NPHS1: variants seen among roughly 807,000 people sequenced by gnomAD.
NPHS1 encodes nephrin.
NPHS1 carries 107 observed loss-of-function variants against 139.7 expected under a neutral mutation model. The ratio of observed to expected loss-of-function variants is 0.77; its 90% CI spans 0.66 to 0.90. NPHS1 has a LOEUF of 0.90. Among genes scored for constraint, NPHS1 ranks in the 40% least tolerant of loss-of-function variants. NPHS1 has a pLI of 0.00. For missense variants in NPHS1, 1,580 were observed against 1,654.2 expected (o/e 0.96, Z 0.78); for synonymous variants, 707 against 706.6 (o/e 1.00, Z -0.01).
At chr19:35,848,893 T>A (rs1407185640) in intron 8 of NPHS1, 83 bp downstream of exon 8, 1 of 1,610,912 alleles carries the variant, frequency 6.2e-7, no homozygotes, top group Non-Finnish European at 8.5e-7. Flanking sequence ...ATCTTTGGCA[T>A]CCAGTAGGCA....
rs1329337980 is a variant in NPHS1 at position 35,848,286 on chromosome 19, T to G, written c.1282A>C (p.Thr428Pro). 3 of 1,614,000 alleles carry G rather than the reference T, an allele frequency of 1.9e-6. No homozygotes were observed. Among genetic ancestry groups the G allele is most frequent in the Non-Finnish European group, 2.5e-6 (3 of 1,179,990 alleles). The change falls in exon 10 of 29, where the codon ACC (threonine) becomes CCC (proline). Residue 428 changes from threonine (T) to proline (P), a missense_variant. Transcript: ENST00000378910. ...EAFSEAFTKETFKKSLILNVK... is the reference protein window; with the variant it reads ...EAFSEAFTKEPFKKSLILNVK... Reference sequence around the variant, plus strand: ...TTCAGGATGAGCGACTTCTTGAAGGTCTCCTTGGTGAAGGCTTCACTGAAG... The same window carrying G: ...TTCAGGATGAGCGACTTCTTGAAGGGCTCCTTGGTGAAGGCTTCACTGAAG...
chr19:35,844,399 G>T lies in NPHS1; in HGVS notation c.1991C>A (p.Ala664Glu). 1 of 1,609,938 alleles carries T rather than the reference G, an allele frequency of 6.2e-7. No individual in the cohort carries two copies. Among genetic ancestry groups the T allele is most frequent in the Non-Finnish European group, 8.5e-7 (1 of 1,178,508 alleles). ...LVVTAVEQGE[A>E]LLPVSVSANP... ...AGCGGACACGGACACGGGCAGCAACGCCTCGCCCTGCTCCACCGCGGTCAC... is the reference window on the plus strand; with the variant it reads ...AGCGGACACGGACACGGGCAGCAACTCCTCGCCCTGCTCCACCGCGGTCAC... Residue 664 changes from alanine (A) to glutamate (E), a missense_variant, in exon 15 of 29, where the codon GCG (alanine) becomes GAG (glutamate). Ala to Glu is a moderately radical substitution (Grantham distance 107). Transcript: ENST00000378910.
intron 23 of NPHS1, among the ~76,000 whole-genome samples, chr19:35,833,090 C>T (rs535792673): frequency 5.3e-5 from 8 of 150,308 alleles, no homozygotes; most frequent in East Asian, 2.0e-4. Flanking sequence ...GACGGAGTTT[C>T]GCCATGTTGG....
In NPHS1 at chr19:35,843,516, C is replaced by T. The variant is rs770961349; in HGVS notation, c.2290G>A (p.Asp764Asn). The T allele has an allele frequency of 8.1e-6, 13 of 1,614,094 alleles. No homozygotes were observed. Among genetic ancestry groups the T allele is most frequent in the Non-Finnish European group, 1.0e-5 (12 of 1,179,990 alleles). Residue 764 changes from aspartate (D) to asparagine (N), a missense_variant, in exon 17 of 29, where the codon GAT becomes AAT. Transcript: ENST00000378910. ...ATGCCCGGGAGGATGGGATTGGCAT[C>T]GACAGTGCAGACTATGTCCACAGAA... ...GGSVDIVCTV[D>N]ANPILPGMFN...
chr19:35,841,903 CA>C, intron 19 of NPHS1, 37 bp from the exon 20 acceptor site: 1 of 1,577,776 alleles, frequency 6.3e-7, no homozygotes, highest in African/African-American at 1.3e-5. Context: ...CCCTTCCATT[CA>C]CCCAACCACT....
At chr19:35,840,901 G>A (rs1599840919) in intron 20 of NPHS1, among the ~76,000 whole-genome samples, 1 of 139,244 alleles carries the variant, frequency 7.2e-6, no homozygotes, top group South Asian at 2.3e-4. Context: ...ATATTGGTCA[G>A]GCTGACCTTG....
At chr19:35,837,813 G>C (rs1463811643) in intron 22 of NPHS1, among the ~76,000 whole-genome samples, 1 of 151,822 alleles carries the variant, frequency 6.6e-6, no homozygotes, top group African/African-American at 2.4e-5. Context: ...TGTTGGTCAG[G>C]CTGGTCTCAA....
intron 23 of NPHS1, among the ~76,000 whole-genome samples, chr19:35,832,886 CAAAAAA>C (rs748346116): frequency 4.4e-5 from 2 of 45,420 alleles, no homozygotes; most frequent in Non-Finnish European, 8.4e-5. Flanking sequence ...GACCCTGTCT[CAAAAAA>C]AAAAAAAAAA....
At position 35,845,992 on chromosome 19, in the gene NPHS1, C is replaced by G. The variant is rs1364227990; in HGVS notation, c.1627+16G>C. On this transcript the variant is annotated intron_variant, in intron 12 of 28. Transcript: ENST00000378910. The surrounding 1 kb of genome is among the most constrained non-coding windows in gnomAD (Gnocchi z 5.5). Reference sequence around the variant, plus strand: ...CTCCCGCCCCGCCCCCGGGCCTCAGCAGTGCGAGCCCTCACACTGCACCGC... The same window carrying G: ...CTCCCGCCCCGCCCCCGGGCCTCAGGAGTGCGAGCCCTCACACTGCACCGC... 2 of 1,562,462 alleles carry G rather than the reference C, an allele frequency of 1.3e-6. No homozygotes were observed. The highest frequency in any genetic ancestry group is 1.4e-5 in the African/African-American group (1 of 73,702).
rs751283178 is a variant in NPHS1, at chr19:35,831,383, A to C, written c.3312-12T>G. On this transcript the variant is annotated splice_polypyrimidine_tract_variant and intron_variant, in intron 25 of 28. Transcript: ENST00000378910. ...GGTCCTCTTCCGACCTTCCAGGATG[A>C]AGGTGTGGGGGGAAGTTGAGTGCTG... 6.2e-7 allele frequency: 1 copy of C among 1,613,996 alleles called. No individual in the cohort carries two copies. The highest frequency in any genetic ancestry group is 8.5e-7 in the Non-Finnish European group (1 of 1,179,946).
chr19:35,840,105 AGCAATTCTCCT>A (rs1973032780), intron 20 of NPHS1, among the ~76,000 whole-genome samples: 1 of 149,672 alleles, frequency 6.7e-6, no homozygotes, highest in African/African-American at 2.5e-5. Context: ...CCTGGGTTCA[AGCAATTCTCCT>A]GCCTCAGCCT....
intron 22 of NPHS1, among the ~76,000 whole-genome samples, chr19:35,837,080 C>T (rs1034738777): frequency 6.8e-5 from 9 of 132,434 alleles, no homozygotes; most frequent in African/African-American, 1.9e-4. Flanking sequence ...GAAAAATAAA[C>T]TGAGCCACAA....
Position 35,843,532 on chromosome 19 carries a change from G to A in NPHS1, c.2274C>T (p.Asp758=), listed in dbSNP as rs762168055. Residue 758 remains aspartate, a synonymous_variant, in exon 17 of 29, where the codon GAC becomes GAT. Transcript: ENST00000378910. ...GATTGGCATCGACAGTGCAGACTAT[G>A]TCCACAGAACCCCCGACGTTCACCT... The part of the protein sequence containing the change: ...PTEVNVGGSV[D]IVCTVDANPI... 1.2e-6 allele frequency: 2 copies of A among 1,614,022 alleles called. No homozygotes were observed. Among genetic ancestry groups the A allele is most frequent in the African/African-American group, 2.7e-5 (2 of 74,930 alleles).
chr19:35,836,306 G>A (rs1972961032), intron 22 of NPHS1, among the ~76,000 whole-genome samples: 1 of 149,638 alleles, frequency 6.7e-6, no homozygotes, highest in Non-Finnish European at 1.5e-5. Context: ...CGCTCAGGCT[G>A]GAGTGCAGTG....
chr19:35,840,132 G>C (rs549146419), intron 20 of NPHS1, among the ~76,000 whole-genome samples: 2 of 151,270 alleles, frequency 1.3e-5, no homozygotes. Context: ...AGCCTCCCGA[G>C]TAGCTGGATT....
In NPHS1 at chr19:35,846,064, G is replaced by T; in HGVS notation, c.1571C>A (p.Ala524Asp). The stretch of plus-strand genomic sequence containing the variant: ...CTGTCCAGCCTTGCACGTGAACTTG[G>T]CCTGGTTGTCCGACGGCCCTGTGAC... ...VLVTGPSDNQ[A>D]KFTCKAGQLS... The change falls in exon 12 of 29, where the codon GCC becomes GAC. Residue 524 changes from alanine to aspartate, a missense_variant. By Grantham distance (126) the Ala-to-Asp change is moderately radical (BLOSUM62 -2). Coordinates refer to ENST00000378910, the MANE Select transcript of NPHS1 (RefSeq NM_004646.4). 6.3e-7 allele frequency: 1 copy of T among 1,596,122 alleles called. No homozygotes were observed. Among genetic ancestry groups the T allele is most frequent in the Non-Finnish European group, 8.5e-7 (1 of 1,171,636 alleles).
rs371850800 is a variant in NPHS1 at position 35,839,294 on chromosome 19, C to T, written c.3052G>A (p.Ala1018Thr). The change falls in exon 22 of 29, where the codon GCC becomes ACC. Residue 1018 changes from alanine (A) to threonine (T), a missense_variant. Ala to Thr is a moderately conservative substitution (Grantham distance 58). Transcript: ENST00000378910. ...TCAGCCAGTCCACTGTCCCCCAAGG[C>T]ATTACTGGCCAGCAGCCAGACCCTG... ...RYRVWLLASNALGDSGLADKG... is the reference protein window; with the variant it reads ...RYRVWLLASNTLGDSGLADKG... 8 of 1,614,094 alleles carry T rather than the reference C, an allele frequency of 5.0e-6. No homozygotes were observed. In the African/African-American group the frequency reaches 6.7e-5, roughly 13 times the overall value.
Position 35,839,276 on chromosome 19 carries a change from G to C in NPHS1, c.3070C>G (p.Leu1024Val). 1.9e-6 allele frequency: 3 copies of C among 1,614,196 alleles called. No homozygotes were observed. The highest frequency in any genetic ancestry group is 1.7e-6 in the Non-Finnish European group (2 of 1,180,042). The stretch of plus-strand genomic sequence containing the variant: ...GGAAGCTGGGTCCCTTTGTCAGCCA[G>C]TCCACTGTCCCCCAAGGCATTACTG... The part of the protein sequence containing the change: ...LASNALGDSG[L>V]ADKGTQLPIT... Residue 1024 changes from leucine (L) to valine (V), a missense_variant, in exon 22 of 29, where the codon CTG (leucine) becomes GTG (valine). Transcript: ENST00000378910.
chr19:35,843,424 C>A (rs1973088298), intron 17 of NPHS1, 48 bp downstream of exon 17: 2 of 1,612,164 alleles, frequency 1.2e-6, no homozygotes, highest in African/African-American at 2.7e-5. Context: ...AGTCAAGAAA[C>A]CACAACCCCT....
Sources: gnomAD v4.1 joint callset for allele counts (sites outside exome capture counted in the v4.1 genomes callset) on GRCh38, gnomAD v4.1.1 for gene constraint, Gnocchi (gnomAD v3.1) non-coding constraint, MANE v1.5 for transcripts, NCBI Gene and HGNC (gene_info 2026-07-23, HGNC 2026-07-21) for gene names.